Variants in BBS9 observed in about 807,000 individuals in gnomAD.
BBS9 encodes the protein Bardet-Biedl syndrome 9, also known as protein PTHB1.
A neutral mutation model predicts 117.7 loss-of-function variants in BBS9; 89 were observed. That is an observed-to-expected ratio of 0.76 (90% CI 0.64 to 0.90). The LOEUF is 0.90. Among genes scored for constraint, BBS9 ranks in the 40% least tolerant of loss-of-function variants. The pLI is 0.00. For synonymous variants in BBS9, 379 were observed against 370.9 expected (o/e 1.02, Z -0.25); for missense variants, 982 against 1,042.2 (o/e 0.94, Z 0.80).
intron 20 of BBS9, among the ~76,000 whole-genome samples, chr7:33,518,407 C>A (rs992707020): frequency 4.6e-5 from 7 of 151,966 alleles, no homozygotes; most frequent in Non-Finnish European, 7.4e-5. Flanking sequence ...TGCGCCACTA[C>A]GCCCAGCTAA....
intron 5 of BBS9, among the ~76,000 whole-genome samples, chr7:33,229,026 A>T (rs2128252127): frequency 6.6e-6 from 1 of 152,282 alleles, no homozygotes; most frequent in Non-Finnish European, 1.5e-5. Flanking sequence ...GAGGATGAAG[A>T]CTTAGGCTTT....
intron 5 of BBS9, among the ~76,000 whole-genome samples, chr7:33,251,043 T>C (rs896718379): frequency 2.0e-5 from 3 of 152,124 alleles, no homozygotes; most frequent in Non-Finnish European, 4.4e-5. Flanking sequence ...GCTTGTGATG[T>C]CTCTCAGAGG....
chr7:33,248,408 A>C (rs1795707226), intron 5 of BBS9, among the ~76,000 whole-genome samples: 1 of 152,200 alleles, frequency 6.6e-6, no homozygotes, highest in African/African-American at 2.4e-5. Flanking sequence ...GAGAGTAATA[A>C]GAAAGAAGCT....
intron 21 of BBS9, among the ~76,000 whole-genome samples, chr7:33,574,788 G>T (rs1177466150): frequency 6.0e-5 from 9 of 149,774 alleles, no homozygotes; most frequent in African/African-American, 1.0e-4. Flanking sequence ...AAACTATATA[G>T]AGAGAGTTTG....
chr7:33,571,809 A>C (rs1857845694), intron 21 of BBS9, among the ~76,000 whole-genome samples: 1 of 152,046 alleles, frequency 6.6e-6, no homozygotes, highest in Non-Finnish European at 1.5e-5. Context: ...ACATATAGAT[A>C]ATATTTGTAC....
At chr7:33,548,212 GA>G (rs746451527) in intron 21 of BBS9, among the ~76,000 whole-genome samples, 2 of 152,062 alleles carry the variant, frequency 1.3e-5, no homozygotes, top group Non-Finnish European at 2.9e-5. Context: ...ATAATTTGGG[GA>G]AAAAATCTGT....
chr7:33,334,568 G>A (rs564656503), intron 9 of BBS9, among the ~76,000 whole-genome samples: 3 of 152,142 alleles, frequency 2.0e-5, no homozygotes, highest in Admixed American at 1.3e-4. Context: ...GGATTTCCAT[G>A]GCCACTAGAT....
rs985177037 is a variant in BBS9, at chr7:33,533,837, C to G, written c.2299-117C>G. On this transcript the variant is annotated intron_variant, in intron 20 of 22. Coordinates refer to ENST00000242067, the MANE Select transcript of BBS9 (RefSeq NM_198428.3). ...AGTCTGGAATATTCCAGATACCACA[C>G]TCTTCACAGGTTCCCAACACTTGAA... The G allele has an allele frequency of 3.3e-6, 4 of 1,217,766 alleles. No homozygotes were observed. In the African/African-American group the frequency reaches 6.0e-5, roughly 18 times the overall value. 75.4% of individuals were successfully genotyped at this position (1,217,766 alleles called of 1,614,324 possible).
intron 17 of BBS9, among the ~76,000 whole-genome samples, chr7:33,372,684 G>A (rs757076413): frequency 1.6e-4 from 24 of 152,050 alleles, no homozygotes; most frequent in Admixed American, 3.3e-4. Context: ...AAATTTGAAA[G>A]TATTCCATTC....
At chr7:33,366,550 T>C (rs975827237) in intron 16 of BBS9, among the ~76,000 whole-genome samples, 1 of 137,724 alleles carries the variant, frequency 7.3e-6, no homozygotes, top group African/African-American at 2.7e-5. Flanking sequence ...TTTCTTTTTT[T>C]TTTTTTTTTT....
chr7:33,358,119 C>A, intron 16 of BBS9, 124 bp downstream of exon 16: 1 of 1,298,204 alleles, frequency 7.7e-7, no homozygotes, highest in Non-Finnish European at 1.1e-6. Flanking sequence ...TATAAAAATG[C>A]CTCAAGGATT....
At chr7:33,569,523 A>T (rs1162837867) in intron 21 of BBS9, among the ~76,000 whole-genome samples, 3 of 152,052 alleles carry the variant, frequency 2.0e-5, no homozygotes, top group Middle Eastern at 3.4e-3. Flanking sequence ...TGGGAGGCCG[A>T]GGCGGGCAGA....
chr7:33,450,869 TTTTTTTTGTTTTTTTG>T (rs200644662), intron 19 of BBS9, among the ~76,000 whole-genome samples: 42 of 151,040 alleles, frequency 2.8e-4, no homozygotes, highest in African/African-American at 9.0e-4. Flanking sequence ...CAGAAGTTTT[TTTTTTTTGTTTTTTTG>T]TTTTTTTGTT....
intron 9 of BBS9, among the ~76,000 whole-genome samples, chr7:33,281,547 A>G (rs1300092371): frequency 1.3e-5 from 2 of 151,240 alleles, no homozygotes; most frequent in Non-Finnish European, 1.5e-5. Flanking sequence ...TTAATTAAAA[A>G]TTCTTTTTTT....
intron 21 of BBS9, among the ~76,000 whole-genome samples, chr7:33,574,702 C>CACAT (rs1554543979): frequency 6.2e-4 from 90 of 144,114 alleles, no homozygotes; most frequent in East Asian, 2.2e-3. Context: ...CACACACACA[C>CACAT]ACACACACAC....
chr7:33,407,433 T>C (rs1313616145), intron 19 of BBS9, among the ~76,000 whole-genome samples: 1 of 152,252 alleles, frequency 6.6e-6, no homozygotes, highest in Non-Finnish European at 1.5e-5. Context: ...TTCTCTCAAC[T>C]CGTCAAAGTC....
At chr7:33,578,006 C>T (rs1859230733) in intron 21 of BBS9, among the ~76,000 whole-genome samples, 1 of 152,150 alleles carries the variant, frequency 6.6e-6, no homozygotes, top group Non-Finnish European at 1.5e-5. Context: ...ACCTATGTAA[C>T]AAATCTGCAC....
At chr7:33,247,823 T>C (rs1795595118) in intron 5 of BBS9, among the ~76,000 whole-genome samples, 1 of 152,192 alleles carries the variant, frequency 6.6e-6, no homozygotes, top group Non-Finnish European at 1.5e-5. Flanking sequence ...ATTCACCCAA[T>C]ATTTTGTGGA....
At chr7:33,210,561 A>G (rs1368557520) in intron 5 of BBS9, among the ~76,000 whole-genome samples, 6 of 152,058 alleles carry the variant, frequency 3.9e-5, no homozygotes, top group African/African-American at 9.7e-5. Context: ...TTTTTGAGAC[A>G]GAGTCTCGCA....
Sources: gnomAD v4.1 joint callset for allele counts (sites outside exome capture counted in the v4.1 genomes callset) on GRCh38, gnomAD v4.1.1 for gene constraint, MANE v1.5 for transcripts, NCBI Gene and HGNC (gene_info 2026-07-23, HGNC 2026-07-21) for gene names.